The following DGKI variants were observed in gnomAD, a reference collection of about 807,000 sequenced individuals.
The protein encoded by DGKI is diacylglycerol kinase iota.
DGKI carries 55 observed loss-of-function variants against 147.5 expected under a neutral mutation model. The ratio of observed to expected loss-of-function variants is 0.37; its 90% CI spans 0.30 to 0.47. DGKI has a LOEUF of 0.47. DGKI is among the 20% of genes least tolerant of loss of function. The pLI is 1.00. For synonymous variants in DGKI, 469 were observed against 477.1 expected (o/e 0.98, Z 0.22); for missense variants, 1,007 against 1,323.8 (o/e 0.76, Z 3.71).
At chr7:137,503,960 T>C (rs1816277029) in intron 21 of DGKI, among the ~76,000 whole-genome samples, 1 of 152,094 alleles carries the variant, frequency 6.6e-6, no homozygotes, top group African/African-American at 2.4e-5. Context: ...TAGCAGATAA[T>C]GTGTTGTGCC....
At chr7:137,606,307 T>C (rs965288993) in intron 10 of DGKI, among the ~76,000 whole-genome samples, 3 of 151,540 alleles carry the variant, frequency 2.0e-5, no homozygotes, top group African/African-American at 4.9e-5. Flanking sequence ...AAGTTAAAAA[T>C]TTTTTAAAAA....
At chr7:137,455,096 T>A (rs1233096523) in intron 27 of DGKI, among the ~76,000 whole-genome samples, 2 of 152,178 alleles carry the variant, frequency 1.3e-5, no homozygotes, top group African/African-American at 4.8e-5. Flanking sequence ...TAAGGACTTC[T>A]GATCCCAGTT....
At chr7:137,392,951 AAGTAT>A (rs1475232189) in intron 32 of DGKI, among the ~76,000 whole-genome samples, 1 of 152,208 alleles carries the variant, frequency 6.6e-6, no homozygotes, top group Middle Eastern at 3.2e-3. Flanking sequence ...AAAAGTAATG[AAGTAT>A]AGCTATATTA....
At chr7:137,459,924 A>G (rs1814365663) in intron 27 of DGKI, among the ~76,000 whole-genome samples, 3 of 152,266 alleles carry the variant, frequency 2.0e-5, no homozygotes, top group South Asian at 4.1e-4. Context: ...TTATTTGCAC[A>G]CAATCATTTT....
At chr7:137,585,019 T>C (rs949222359) in intron 14 of DGKI, among the ~76,000 whole-genome samples, 190 bp downstream of exon 14, 13 of 152,202 alleles carry the variant, frequency 8.5e-5, no homozygotes, top group Admixed American at 7.2e-4. Context: ...ATCTAGGTAT[T>C]TAGAGGTCTA....
chr7:137,533,592 T>C (rs1817416156), intron 20 of DGKI, among the ~76,000 whole-genome samples: 3 of 152,114 alleles, frequency 2.0e-5, no homozygotes, highest in African/African-American at 4.8e-5. Flanking sequence ...TGTTTTACTT[T>C]TCCTGGACAA....
chr7:137,754,539 C>T (rs1795621678), intron 1 of DGKI, among the ~76,000 whole-genome samples: 1 of 152,210 alleles, frequency 6.6e-6, no homozygotes, highest in Admixed American at 6.5e-5. Context: ...TCATTCGGAG[C>T]TGTCACTGTG....
chr7:137,441,588 C>G (rs1240274362), intron 28 of DGKI, among the ~76,000 whole-genome samples: 1 of 152,094 alleles, frequency 6.6e-6, no homozygotes, highest in Non-Finnish European at 1.5e-5. Context: ...TATTTAAGCT[C>G]TCTATGCAAG....
At chr7:137,676,307 G>A (rs894765834) in intron 3 of DGKI, among the ~76,000 whole-genome samples, 2 of 152,310 alleles carry the variant, frequency 1.3e-5, no homozygotes, top group Middle Eastern at 6.8e-3. Flanking sequence ...TAATTGGGAT[G>A]CCTTTGTATT....
At chr7:137,408,405 G>A (rs985505110) in intron 29 of DGKI, among the ~76,000 whole-genome samples, 83 of 152,328 alleles carry the variant, frequency 5.4e-4, no homozygotes, top group African/African-American at 1.9e-3. Context: ...CTTGGTGACT[G>A]TAGCTAAGCT....
chr7:137,713,994 T>A (rs2116579139), intron 1 of DGKI, among the ~76,000 whole-genome samples: 1 of 152,308 alleles, frequency 6.6e-6, no homozygotes, highest in Non-Finnish European at 1.5e-5. Flanking sequence ...TCAGAAACTC[T>A]CCCATTTCTA....
intron 1 of DGKI, among the ~76,000 whole-genome samples, chr7:137,844,875 C>T (rs781292534): frequency 6.6e-6 from 1 of 152,202 alleles, no homozygotes; most frequent in Admixed American, 6.5e-5. Context: ...GCAGCCTACA[C>T]TGTGCTTCAT....
rs1297600529 is a variant in DGKI, at chr7:137,589,237, T to C, written c.1312-2027A>G. On this transcript the variant is annotated intron_variant, in intron 12 of 32. Coordinates refer to ENST00000614521, the MANE Select transcript of DGKI (RefSeq NM_001321708.2). ...TAGAAGTGTCAGAGTCATGGTAACG[T>C]TGGTTCTCCTGACTTCCAACTAAAA... Among the ~76,000 whole-genome samples the C allele has an allele frequency of 3.3e-5, 5 of 152,324 alleles. No homozygotes were observed. In the East Asian group the frequency reaches 7.7e-4, roughly 23 times the overall value.
At chr7:137,588,770 C>T (rs572902616) in intron 12 of DGKI, among the ~76,000 whole-genome samples, 1 of 152,172 alleles carries the variant, frequency 6.6e-6, no homozygotes, top group Admixed American at 6.5e-5. Flanking sequence ...GCCACCGTGC[C>T]AGGCCCATAC....
chr7:137,688,253 A>G (rs1439966359), intron 2 of DGKI, among the ~76,000 whole-genome samples: 1 of 152,196 alleles, frequency 6.6e-6, no homozygotes, highest in Admixed American at 6.5e-5. Context: ...TTCACCTCAG[A>G]ATCCCAAGTA....
chr7:137,417,262 T>C (rs963795375), intron 28 of DGKI, among the ~76,000 whole-genome samples: 2 of 152,216 alleles, frequency 1.3e-5, no homozygotes, highest in South Asian at 2.1e-4. Flanking sequence ...TTTAAGTATA[T>C]GAATATTAAG....
intron 1 of DGKI, among the ~76,000 whole-genome samples, chr7:137,790,443 T>C (rs922442070): frequency 1.8e-4 from 27 of 152,208 alleles, no homozygotes; most frequent in African/African-American, 6.3e-4. Flanking sequence ...TAGAAAGCCA[T>C]CTGTCAAAGA....
chr7:137,654,819 T>C, intron 4 of DGKI, 31 bp from the exon 5 acceptor site: 1 of 1,438,130 alleles, frequency 7.0e-7, no homozygotes. Context: ...TATATTATAT[T>C]AGAGATAAGC....
intron 1 of DGKI, among the ~76,000 whole-genome samples, chr7:137,709,573 A>G (rs1299468265): frequency 6.6e-6 from 1 of 152,198 alleles, no homozygotes; most frequent in East Asian, 1.9e-4. Context: ...AACAGACTGC[A>G]ATCCAAATAC....
Sources: allele counts gnomAD v4.1 joint callset (sites outside exome capture counted in the v4.1 genomes callset), GRCh38; gene constraint gnomAD v4.1.1; transcripts MANE v1.5; gene names NCBI Gene and HGNC (gene_info 2026-07-23, HGNC 2026-07-21).